Variants in DCDC2C observed in about 807,000 individuals in gnomAD.
DCDC2C encodes the protein doublecortin domain-containing protein 2C.
DCDC2C carries 44 observed loss-of-function variants against 45.0 expected under a neutral mutation model. That is an observed-to-expected ratio of 0.98 (90% confidence interval 0.77 to 1.26). The LOEUF (loss-of-function observed/expected upper bound fraction) is 1.26, where lower values mean the gene tolerates loss of function less well. Ranked by LOEUF, DCDC2C falls within the 50% of genes most tolerant of loss-of-function variation. DCDC2C has a pLI of 0.00. For synonymous variants in DCDC2C, 187 were observed against 178.8 expected (o/e 1.05, Z -0.37); for missense variants, 447 against 468.9 (o/e 0.95, Z 0.43).
chr2:3,757,964 G>A (rs996336819), intron 6 of DCDC2C, among the ~76,000 whole-genome samples: 8 of 152,192 alleles, frequency 5.3e-5, no homozygotes, highest in African/African-American at 1.9e-4. Flanking sequence ...GGCACGTAGG[G>A]GTCAGGGGAG....
At chr2:3,731,165 G>A (rs957415604) in intron 3 of DCDC2C, among the ~76,000 whole-genome samples, 2 of 152,144 alleles carry the variant, frequency 1.3e-5, no homozygotes, top group Non-Finnish European at 2.9e-5. Context: ...TAGTGTATCC[G>A]TCACCATAGG....
At chr2:3,724,307 C>G (rs1437444137) in intron 2 of DCDC2C, among the ~76,000 whole-genome samples, 1 of 152,178 alleles carries the variant, frequency 6.6e-6, no homozygotes, top group African/African-American at 2.4e-5. Context: ...TCTCGTGCAG[C>G]TCTCTATTCT....
At chr2:3,716,083 GTGTT>G (rs955833665) in intron 2 of DCDC2C, among the ~76,000 whole-genome samples, 11 of 152,320 alleles carry the variant, frequency 7.2e-5, no homozygotes, top group Non-Finnish European at 1.2e-4. Flanking sequence ...TTGAGCAAGA[GTGTT>G]TGGGTGCCAT....
At chr2:3,806,416 G>A (rs1399813415) in intron 10 of DCDC2C, among the ~76,000 whole-genome samples, 3 of 152,194 alleles carry the variant, frequency 2.0e-5, no homozygotes, top group African/African-American at 7.2e-5. Context: ...AGCGAAGCTC[G>A]CCTGTGTTCT....
rs1323233678 is a variant in DCDC2C, at chr2:3,703,760, C to T, written c.9C>T (p.Thr3=). MG[T]RGPSAPVDTT... ...AGGAGCGGGGCGCGGCTATGGGAAC[C>T]CGCGGGCCCTCCGCGCCGGTGGACA... Residue 3 remains threonine, a synonymous_variant, in exon 1 of 11, where the codon ACC becomes ACT. Transcript: ENST00000399143. The surrounding 1 kb of genome is among the most constrained non-coding windows in gnomAD (Gnocchi z 4.4). The T allele has an allele frequency of 4.1e-6, 5 of 1,232,738 alleles. No individual in the cohort carries two copies. The highest frequency in any genetic ancestry group is 3.0e-6 in the Non-Finnish European group (3 of 987,476). The allele number at this position is 1,232,738 out of a possible 1,614,324, so 76.4% of individuals were successfully genotyped here.
Position 3,733,402 on chromosome 2 carries a change from G to A in DCDC2C, c.416+6323G>A, listed in dbSNP as rs182239391. On this transcript the variant is annotated intron_variant, in intron 3 of 10. Transcript: ENST00000399143. ...GGTGTAAACCACATACAGTGACTCT[G>A]GTGACAGACTTGGGTGGGCCATGTG... Among the ~76,000 whole-genome samples the A allele has an allele frequency of 3.3e-5, 5 of 152,344 alleles. No individual in the cohort carries two copies. The East Asian group carries it at 9.6e-4, about 29-fold the overall frequency.
chr2:3,837,713 C>T (rs1448649912), intron 10 of DCDC2C, among the ~76,000 whole-genome samples: 9 of 32,906 alleles, frequency 2.7e-4, no homozygotes, highest in African/African-American at 7.9e-4. Flanking sequence ...AAGCGCAACA[C>T]CATTGAAATT....
chr2:3,836,998 A>G (rs1379434265), intron 10 of DCDC2C, among the ~76,000 whole-genome samples: 4 of 152,146 alleles, frequency 2.6e-5, no homozygotes, highest in Non-Finnish European at 5.9e-5. Flanking sequence ...TTTTTCCCCA[A>G]GTGGAATATA....
chr2:3,774,566 T>A (rs576717042), intron 8 of DCDC2C, among the ~76,000 whole-genome samples: 2 of 152,252 alleles, frequency 1.3e-5, no homozygotes, highest in East Asian at 3.9e-4. Context: ...GTAGAGAGAC[T>A]GCACCGTTTA....
At chr2:3,795,898 C>T (rs201439505) in intron 10 of DCDC2C, among the ~76,000 whole-genome samples, 7 of 121,772 alleles carry the variant, frequency 5.7e-5, no homozygotes, top group East Asian at 4.3e-4. Flanking sequence ...TTTCCAATTC[C>T]GTGAAGAAAG....
intron 10 of DCDC2C, among the ~76,000 whole-genome samples, chr2:3,837,916 G>A (rs1179287821): frequency 6.6e-6 from 1 of 152,120 alleles, no homozygotes; most frequent in African/African-American, 2.4e-5. Context: ...GGAAGTGTGG[G>A]GTAGGGCCTG....
chr2:3,751,618 C>T (rs1354362285), intron 4 of DCDC2C, among the ~76,000 whole-genome samples: 1 of 152,134 alleles, frequency 6.6e-6, no homozygotes, highest in Non-Finnish European at 1.5e-5. Context: ...TGAAGCTGAC[C>T]CTCTGGGCAG....
intron 6 of DCDC2C, among the ~76,000 whole-genome samples, chr2:3,762,744 A>G (rs868303492): frequency 2.0e-5 from 3 of 152,152 alleles, no homozygotes; most frequent in Non-Finnish European, 4.4e-5. Flanking sequence ...ACAATTTAAC[A>G]TCAGATTTGG....
intron 8 of DCDC2C, among the ~76,000 whole-genome samples, chr2:3,777,959 G>A (rs1670393254): frequency 6.6e-6 from 1 of 152,210 alleles, no homozygotes; most frequent in African/African-American, 2.4e-5. Flanking sequence ...TGAAGAGCCA[G>A]TGTGTGATTT....
At chr2:3,759,550 A>G (rs936497496) in intron 6 of DCDC2C, among the ~76,000 whole-genome samples, 16 of 152,232 alleles carry the variant, frequency 1.1e-4, no homozygotes, top group African/African-American at 3.4e-4. Flanking sequence ...AGAAGTCAAG[A>G]CCGACCTCAG....
intron 2 of DCDC2C, among the ~76,000 whole-genome samples, chr2:3,712,788 G>A (rs1374303693): frequency 1.3e-5 from 2 of 152,128 alleles, no homozygotes; most frequent in Non-Finnish European, 2.9e-5. Context: ...CACATAGCCA[G>A]GGCTGAGATG....
At chr2:3,799,540 G>A (rs1425424825) in intron 10 of DCDC2C, among the ~76,000 whole-genome samples, 71 of 149,264 alleles carry the variant, frequency 4.8e-4, no homozygotes, top group African/African-American at 9.7e-4. Context: ...GTACAGATGG[G>A]TTTTTGGTGT....
At chr2:3,712,401 C>T (rs1356560454) in intron 2 of DCDC2C, among the ~76,000 whole-genome samples, 2 of 151,304 alleles carry the variant, frequency 1.3e-5, no homozygotes, top group African/African-American at 4.9e-5. Context: ...TGCCATGGCT[C>T]ACACCTGTAA....
chr2:3,740,995 C>T (rs73142902), intron 3 of DCDC2C, among the ~76,000 whole-genome samples: 2,707 of 152,134 alleles, frequency 0.018, 77 homozygotes, highest in African/African-American at 0.062. Flanking sequence ...TTTTTAGACT[C>T]GATACACCTT....
Sources: gnomAD v4.1 joint callset for allele counts (sites outside exome capture counted in the v4.1 genomes callset) on GRCh38, gnomAD v4.1.1 for gene constraint, Gnocchi (gnomAD v3.1) non-coding constraint, MANE v1.5 for transcripts, NCBI Gene and HGNC (gene_info 2026-07-23, HGNC 2026-07-21) for gene names.